The following SNTG1 variants were observed in gnomAD, a reference collection of about 807,000 sequenced individuals.
SNTG1 encodes syntrophin gamma 1, also known as gamma-1-syntrophin.
Under a neutral mutation model 74.7 loss-of-function variants are expected in SNTG1, and 39 were observed. The ratio of observed to expected loss-of-function variants is 0.52; its 90% CI spans 0.40 to 0.68. SNTG1 has a LOEUF of 0.68. Among genes scored for constraint, SNTG1 ranks in the 30% least tolerant of loss-of-function variants. The probability of loss-of-function intolerance (pLI) is 0.00; values close to 1 mark genes in which losing one functional copy is unlikely to be tolerated. For missense variants in SNTG1, 685 were observed against 609.5 expected, an observed-to-expected ratio of 1.12 and a Z score of -1.30; for synonymous variants, 254 against 217.1, an observed-to-expected ratio of 1.17 and a Z score of -1.49.
At chr8:50,107,673 C>A (rs781368926) in intron 1 of SNTG1, among the ~76,000 whole-genome samples, 6 of 151,928 alleles carry the variant, frequency 3.9e-5, no homozygotes, top group African/African-American at 1.5e-4. Context: ...GCCTTAGCCT[C>A]CTAAGTAGCT....
At chr8:50,313,575 C>T (rs2090200039) in intron 2 of SNTG1, among the ~76,000 whole-genome samples, 1 of 149,768 alleles carries the variant, frequency 6.7e-6, no homozygotes, top group Non-Finnish European at 1.5e-5. Flanking sequence ...CGTTAATCAT[C>T]AGAGAAATGC....
rs76285061 is a variant in SNTG1 at position 50,568,487 on chromosome 8, G to A, written c.810+15308G>A. 1.6e-4 allele frequency among the ~76,000 whole-genome samples: 24 copies of A among 151,992 alleles called. No individual in the cohort carries two copies. The East Asian group carries it at 2.9e-3, about 19-fold the overall frequency. On this transcript the variant is annotated intron_variant, in intron 12 of 18. Coordinates refer to ENST00000642720, the MANE Select transcript of SNTG1 (RefSeq NM_018967.5). Reference sequence around the variant, plus strand: ...AGGGTTCTCCTTTCTCCACATCCTCGCCAGCCTCTGTTATTGCTTGTCTTT... The same window carrying A: ...AGGGTTCTCCTTTCTCCACATCCTCACCAGCCTCTGTTATTGCTTGTCTTT...
At chr8:49,974,192 T>C (rs1193321079) in intron 1 of SNTG1, among the ~76,000 whole-genome samples, 1 of 152,216 alleles carries the variant, frequency 6.6e-6, no homozygotes, top group Non-Finnish European at 1.5e-5. Context: ...ATAGTAACGA[T>C]AGCCCGATAA....
At chr8:50,684,469 G>A (rs1021715308) in intron 15 of SNTG1, among the ~76,000 whole-genome samples, 2 of 151,958 alleles carry the variant, frequency 1.3e-5, no homozygotes, top group African/African-American at 4.8e-5. Flanking sequence ...GCTAATTTAT[G>A]GTAGTAAAGC....
In SNTG1 at chr8:49,937,297, A is replaced by T. The variant is rs572866208; in HGVS notation, c.-103+25066A>T. Among the ~76,000 whole-genome samples the T allele has an allele frequency of 3.9e-5, 6 of 152,362 alleles. No individual in the cohort carries two copies. The South Asian group carries it at 1.2e-3, about 32-fold the overall frequency. On this transcript the variant is annotated intron_variant, in intron 1 of 18. Transcript: ENST00000642720. ...CTAAACTATAGTGGAGTGGATCAGGAGCTGCCTGGGACAGGAAGAAGCAGG... is the reference window on the plus strand; with the variant it reads ...CTAAACTATAGTGGAGTGGATCAGGTGCTGCCTGGGACAGGAAGAAGCAGG...
intron 18 of SNTG1, among the ~76,000 whole-genome samples, chr8:50,765,399 T>C (rs770440906): frequency 6.6e-6 from 1 of 151,930 alleles, no homozygotes; most frequent in Non-Finnish European, 1.5e-5. Flanking sequence ...CTCTCCACTA[T>C]CTTGTTTGGG....
chr8:50,627,203 C>T (rs1259141979), intron 13 of SNTG1, among the ~76,000 whole-genome samples: 1 of 152,038 alleles, frequency 6.6e-6, no homozygotes, highest in East Asian at 1.9e-4. Context: ...ACTTTGTTTT[C>T]TGTGATTTTT....
At chr8:50,549,087 G>C (rs2094408201) in intron 11 of SNTG1, among the ~76,000 whole-genome samples, 1 of 152,146 alleles carries the variant, frequency 6.6e-6, no homozygotes, top group Non-Finnish European at 1.5e-5. Flanking sequence ...CTTCTTTAGG[G>C]AATGACAAGT....
At chr8:49,988,325 T>G (rs1813365066) in intron 1 of SNTG1, among the ~76,000 whole-genome samples, 2 of 152,124 alleles carry the variant, frequency 1.3e-5, no homozygotes. Flanking sequence ...TACAGTAACT[T>G]CTAGATGCCA....
chr8:50,523,544 G>A (rs2094196921), intron 9 of SNTG1, among the ~76,000 whole-genome samples: 1 of 152,152 alleles, frequency 6.6e-6, no homozygotes, highest in African/African-American at 2.4e-5. Context: ...GGAAGCCCAA[G>A]GAGAGGGAGA....
rs542512733 is a variant in SNTG1, at chr8:50,347,174, C to T, written c.-27-47038C>T. Among the ~76,000 whole-genome samples the T allele has an allele frequency of 7.9e-5, 12 of 152,326 alleles. 1 individual carries two copies. In the South Asian group the frequency reaches 2.5e-3, roughly 32 times the overall value. Reference sequence around the variant, plus strand: ...AAGCTTCAAAAGACACAGGCTGACTCTCTTGTTAGGAGCTAATGCAGCTTG... The same window carrying T: ...AAGCTTCAAAAGACACAGGCTGACTTTCTTGTTAGGAGCTAATGCAGCTTG... On this transcript the variant is annotated intron_variant, in intron 2 of 18. Coordinates refer to ENST00000642720, the MANE Select transcript of SNTG1 (RefSeq NM_018967.5).
chr8:50,714,933 A>G (rs1234092549), intron 17 of SNTG1, among the ~76,000 whole-genome samples: 1 of 152,196 alleles, frequency 6.6e-6, no homozygotes, highest in Non-Finnish European at 1.5e-5. Flanking sequence ...TGTAAAAACC[A>G]AAACCAAAAA....
chr8:50,378,637 T>G (rs1010827903), intron 2 of SNTG1, among the ~76,000 whole-genome samples: 1 of 151,786 alleles, frequency 6.6e-6, no homozygotes, highest in South Asian at 2.1e-4. Context: ...TCCCAATGAG[T>G]GTTCAGCTCT....
chr8:49,960,922 T>C (rs189302401), intron 1 of SNTG1, among the ~76,000 whole-genome samples: 63 of 152,152 alleles, frequency 4.1e-4, no homozygotes, highest in African/African-American at 1.4e-3. Flanking sequence ...TGTGGAGGAC[T>C]CCCTAGGGCC....
chr8:49,966,805 C>A (rs540300994), intron 1 of SNTG1, among the ~76,000 whole-genome samples: 2 of 151,958 alleles, frequency 1.3e-5, no homozygotes, highest in Non-Finnish European at 2.9e-5. Flanking sequence ...GGTATGATGA[C>A]GTGTGAAATT....
intron 4 of SNTG1, among the ~76,000 whole-genome samples, chr8:50,413,535 T>C (rs1440279840): frequency 6.6e-6 from 1 of 152,226 alleles, no homozygotes; most frequent in Non-Finnish European, 1.5e-5. Context: ...GGTAATCTGC[T>C]GTGTCACTCT....
chr8:50,716,062 A>G (rs1255589112), intron 17 of SNTG1, among the ~76,000 whole-genome samples: 1 of 152,146 alleles, frequency 6.6e-6, no homozygotes, highest in Admixed American at 6.6e-5. Flanking sequence ...TGTTTCTCCC[A>G]AAGGTGTATG....
intron 13 of SNTG1, among the ~76,000 whole-genome samples, chr8:50,628,498 G>A (rs2094972736): frequency 6.6e-6 from 1 of 152,014 alleles, no homozygotes; most frequent in Non-Finnish European, 1.5e-5. Flanking sequence ...TTCCAGAACT[G>A]TCATGTTCTA....
At chr8:50,224,374 CACAA>C (rs1262291360) in intron 2 of SNTG1, among the ~76,000 whole-genome samples, 2 of 152,132 alleles carry the variant, frequency 1.3e-5, no homozygotes, top group Non-Finnish European at 2.9e-5. Context: ...TCCCACAGAT[CACAA>C]ACAAACAGAC....
Sources: gnomAD v4.1 joint callset for allele counts (sites outside exome capture counted in the v4.1 genomes callset) on GRCh38, gnomAD v4.1.1 for gene constraint, MANE v1.5 for transcripts, NCBI Gene and HGNC (gene_info 2026-07-23, HGNC 2026-07-21) for gene names.